Variants in NPAS3 observed in about 807,000 individuals in gnomAD.
NPAS3 encodes the protein neuronal PAS domain protein 3, also known as neuronal PAS domain-containing protein 3.
NPAS3 carries 14 observed loss-of-function variants against 73.1 expected under a neutral mutation model. The observed-to-expected ratio is 0.19, with a 90% CI of 0.13 to 0.30. The LOEUF (loss-of-function observed/expected upper bound fraction) is 0.30, where lower values mean the gene tolerates loss of function less well. NPAS3 is among the 10% of genes least tolerant of loss of function. The probability of loss-of-function intolerance (pLI) is 1.00; values close to 1 mark genes in which losing one functional copy is unlikely to be tolerated. For synonymous variants in NPAS3, 620 were observed against 541.5 expected, an observed-to-expected ratio of 1.14 and a Z score of -2.01; for missense variants, 1,096 against 1,250.0, an observed-to-expected ratio of 0.88 and a Z score of 1.86.
At chr14:33,616,699 T>G (rs1408604903) in intron 5 of NPAS3, among the ~76,000 whole-genome samples, 1 of 152,166 alleles carries the variant, frequency 6.6e-6, no homozygotes, top group Non-Finnish European at 1.5e-5. Flanking sequence ...AACATTTTTG[T>G]TCAGAAATGT....
At chr14:33,011,477 C>T (rs1193477282) in intron 1 of NPAS3, among the ~76,000 whole-genome samples, 1 of 152,038 alleles carries the variant, frequency 6.6e-6, no homozygotes, top group East Asian at 1.9e-4. Context: ...AATCAGAGAA[C>T]CTGGAGAAAA....
intron 5 of NPAS3, among the ~76,000 whole-genome samples, chr14:33,646,949 T>C (rs143037102): frequency 1.4e-4 from 21 of 152,290 alleles, no homozygotes; most frequent in Admixed American, 1.2e-3. Context: ...TGTGCCTACA[T>C]TGTGGTAGCA....
chr14:33,460,383 C>A (rs992685812), intron 4 of NPAS3, among the ~76,000 whole-genome samples: 1 of 152,092 alleles, frequency 6.6e-6, no homozygotes, highest in African/African-American at 2.4e-5. Context: ...AAAAGAAGTA[C>A]TATAACTCCA....
chr14:33,127,286 A>G (rs1332291708), intron 2 of NPAS3, among the ~76,000 whole-genome samples: 1 of 150,330 alleles, frequency 6.7e-6, no homozygotes, highest in African/African-American at 2.4e-5. Context: ...CTAGTGAAGG[A>G]CCTCCCTTTT....
intron 2 of NPAS3, among the ~76,000 whole-genome samples, chr14:33,209,421 T>C (rs2046950069): frequency 6.6e-6 from 1 of 152,310 alleles, no homozygotes; most frequent in Admixed American, 6.5e-5. Flanking sequence ...ATCTTTACTG[T>C]ACTTTTTCCC....
chr14:33,198,582 C>G (rs928484558), intron 2 of NPAS3, among the ~76,000 whole-genome samples: 11 of 152,196 alleles, frequency 7.2e-5, no homozygotes, highest in African/African-American at 2.7e-4. Context: ...AAACCTTGAG[C>G]TAGACATAGA....
chr14:33,695,848 A>C (rs1405037859), intron 6 of NPAS3, among the ~76,000 whole-genome samples: 3 of 152,214 alleles, frequency 2.0e-5, no homozygotes, highest in Non-Finnish European at 4.4e-5. Context: ...CTGATCATTA[A>C]AGCAAAGATT....
chr14:33,772,690 G>A (rs2062693173), intron 7 of NPAS3, among the ~76,000 whole-genome samples: 3 of 152,188 alleles, frequency 2.0e-5, no homozygotes, highest in Admixed American at 6.5e-5. Flanking sequence ...CTCCTGTGAA[G>A]TTAATCCCAT....
chr14:33,732,229 G>GCA (rs938050473), intron 6 of NPAS3, among the ~76,000 whole-genome samples: 1 of 152,028 alleles, frequency 6.6e-6, no homozygotes, highest in Non-Finnish European at 1.5e-5. Flanking sequence ...GCACGCATGT[G>GCA]CACGCACACA....
chr14:33,121,970 C>G (rs2043247224), intron 2 of NPAS3, among the ~76,000 whole-genome samples: 1 of 152,144 alleles, frequency 6.6e-6, no homozygotes, highest in African/African-American at 2.4e-5. Flanking sequence ...TACCCTAAAA[C>G]AGTGTATTTT....
At position 33,686,060 on chromosome 14, in the gene NPAS3, G is replaced by T. The variant is rs1270058419; in HGVS notation, c.733+9675G>T. ...GGAGATAGTGCTGCTATCCTCAATT[G>T]TGGCATAAATAAATATGGTAAAGAA... On this transcript the variant is annotated intron_variant, in intron 6 of 11. Coordinates refer to ENST00000356141, the Ensembl canonical transcript of NPAS3. 2.6e-5 allele frequency among the ~76,000 whole-genome samples: 4 copies of T among 152,326 alleles called. No individual in the cohort carries two copies. The East Asian group carries it at 7.7e-4, about 29-fold the overall frequency.
At position 33,083,230 on chromosome 14, in the gene NPAS3, T is replaced by A. The variant is rs76787972; in HGVS notation, c.140+27236T>A. On this transcript the variant is annotated intron_variant, in intron 2 of 11. Transcript: ENST00000356141. ...AAAAAAAAAAGAAGGGACTTTGCCT[T>A]TGCCTCCACTCCATGATAGCAGAGA... Among the ~76,000 whole-genome samples, 57 of 88,850 alleles carry A rather than the reference T, an allele frequency of 6.4e-4. 4 individuals carry two copies. The highest frequency in any genetic ancestry group is 1.1e-3 in the Non-Finnish European group (49 of 42,848). The allele number at this position is 88,850 out of a possible 152,430, so 58.3% of individuals were successfully genotyped here.
intron 4 of NPAS3, among the ~76,000 whole-genome samples, chr14:33,410,458 T>A (rs2047871433): frequency 6.6e-6 from 1 of 152,186 alleles, no homozygotes; most frequent in African/African-American, 2.4e-5. Context: ...ATTCAATTCA[T>A]CCTCTACACT....
intron 2 of NPAS3, among the ~76,000 whole-genome samples, chr14:33,122,824 C>T (rs902870472): frequency 2.4e-4 from 36 of 152,126 alleles, no homozygotes; most frequent in Admixed American, 1.7e-3. Flanking sequence ...GAAAATAAAA[C>T]TTAAGGGGCT....
chr14:33,336,135 ATGG>A (rs1181654914), intron 3 of NPAS3, among the ~76,000 whole-genome samples: 1 of 152,198 alleles, frequency 6.6e-6, no homozygotes, highest in Non-Finnish European at 1.5e-5. Context: ...TTATCTCATT[ATGG>A]TTTTAATTTG....
chr14:33,286,527 T>C (rs1390116358), intron 3 of NPAS3, among the ~76,000 whole-genome samples: 1 of 152,196 alleles, frequency 6.6e-6, no homozygotes, highest in African/African-American at 2.4e-5. Flanking sequence ...TAAATACTTG[T>C]GCTTATTGAA....
intron 4 of NPAS3, among the ~76,000 whole-genome samples, chr14:33,422,852 C>T (rs1007261129): frequency 2.6e-5 from 4 of 151,816 alleles, no homozygotes; most frequent in African/African-American, 7.3e-5. Flanking sequence ...AGAGACATGC[C>T]GTCTCAGATG....
At chr14:33,437,462 A>C (rs769263354) in intron 4 of NPAS3, among the ~76,000 whole-genome samples, 4 of 152,156 alleles carry the variant, frequency 2.6e-5, no homozygotes, top group Non-Finnish European at 5.9e-5. Flanking sequence ...GCTTTTATCC[A>C]CTTAATAGTT....
chr14:32,964,244 T>C (rs889799847), intron 1 of NPAS3, among the ~76,000 whole-genome samples: 1 of 151,926 alleles, frequency 6.6e-6, no homozygotes, highest in Non-Finnish European at 1.5e-5. Flanking sequence ...GCTAAGAGTG[T>C]TTTTTGTATT....
Sources: gnomAD v4.1 joint callset for allele counts (sites outside exome capture counted in the v4.1 genomes callset) on GRCh38, gnomAD v4.1.1 for gene constraint, MANE v1.5 for transcripts, NCBI Gene and HGNC (gene_info 2026-07-23, HGNC 2026-07-21) for gene names.